The following TMEM132C variants were observed in gnomAD, a reference collection of about 807,000 sequenced individuals.
TMEM132C encodes the protein protein phosphatase 1, regulatory subunit 152.
TMEM132C carries 29 observed loss-of-function variants against 61.4 expected under a neutral mutation model. That is an observed-to-expected ratio of 0.47 (90% CI 0.35 to 0.64). The LOEUF (loss-of-function observed/expected upper bound fraction) is 0.64. TMEM132C is among the 30% of genes least tolerant of loss of function. The pLI, the probability that TMEM132C is intolerant of heterozygous loss-of-function variation, is 0.00. For synonymous variants in TMEM132C, 656 were observed against 633.1 expected, an observed-to-expected ratio of 1.04 and a Z score of -0.54; for missense variants, 1,408 against 1,476.9, an observed-to-expected ratio of 0.95 and a Z score of 0.76.
At chr12:128,398,367 A>C (rs1875035240) in intron 1 of TMEM132C, among the ~76,000 whole-genome samples, 1 of 152,208 alleles carries the variant, frequency 6.6e-6, no homozygotes, top group Admixed American at 6.5e-5. Flanking sequence ...CGCAGGGAAA[A>C]ATGGAGCTGG....
At chr12:128,396,748 A>G (rs955263580) in intron 1 of TMEM132C, among the ~76,000 whole-genome samples, 1 of 152,182 alleles carries the variant, frequency 6.6e-6, no homozygotes, top group African/African-American at 2.4e-5. Context: ...AGCACCCACC[A>G]TCACAGCTAG....
intron 5 of TMEM132C, among the ~76,000 whole-genome samples, chr12:128,687,351 G>A (rs1284391123): frequency 6.6e-6 from 1 of 152,122 alleles, no homozygotes; most frequent in Non-Finnish European, 1.5e-5. Flanking sequence ...ACTGTAAGAT[G>A]TTGAGTACCA....
intron 1 of TMEM132C, among the ~76,000 whole-genome samples, chr12:128,356,025 TATCTTGAGC>T (rs1350730193): frequency 6.6e-6 from 1 of 152,182 alleles, no homozygotes; most frequent in Non-Finnish European, 1.5e-5. Context: ...ATCTCTGCTT[TATCTTGAGC>T]ATCTGGAGCA....
chr12:128,624,267 C>T lies in TMEM132C; in HGVS notation c.1305+7932C>T, dbSNP rs560252625. On this transcript the variant is annotated intron_variant, in intron 4 of 8. Transcript: ENST00000435159. Reference sequence around the variant, plus strand: ...TCTCATCTGTAAAATAGGAATAGGCCGAGTGTGGTGGCTCAGGCCTGTAAT... The same window carrying T: ...TCTCATCTGTAAAATAGGAATAGGCTGAGTGTGGTGGCTCAGGCCTGTAAT... Among the ~76,000 whole-genome samples the T allele has an allele frequency of 3.5e-4, 54 of 152,148 alleles. 1 individual carries two copies. In the South Asian group the frequency reaches 9.6e-3, roughly 27 times the overall value.
chr12:128,303,970 A>G (rs981583573), intron 1 of TMEM132C, among the ~76,000 whole-genome samples: 2 of 152,124 alleles, frequency 1.3e-5, no homozygotes, highest in Non-Finnish European at 2.9e-5. Context: ...ATTCTTGACC[A>G]ACGAGACCCA....
intron 3 of TMEM132C, among the ~76,000 whole-genome samples, chr12:128,595,090 C>T (rs1405625385): frequency 6.6e-6 from 1 of 152,224 alleles, no homozygotes; most frequent in Non-Finnish European, 1.5e-5. Context: ...GAAGGAAACA[C>T]TGCTCTCCGG....
intron 1 of TMEM132C, among the ~76,000 whole-genome samples, chr12:128,345,352 T>G (rs1873121636): frequency 6.6e-6 from 1 of 152,222 alleles, no homozygotes; most frequent in Non-Finnish European, 1.5e-5. Flanking sequence ...TTGTGAATAG[T>G]GCTGCAGTGA....
intron 2 of TMEM132C, among the ~76,000 whole-genome samples, chr12:128,532,348 A>G (rs1282943255): frequency 5.3e-5 from 8 of 152,058 alleles, no homozygotes; most frequent in African/African-American, 1.9e-4. Context: ...CTAAAGAAAA[A>G]AAAAAGGAGG....
At chr12:128,346,676 A>G (rs1328116946) in intron 1 of TMEM132C, among the ~76,000 whole-genome samples, 1 of 152,138 alleles carries the variant, frequency 6.6e-6, no homozygotes, top group African/African-American at 2.4e-5. Context: ...GAATGGGAAT[A>G]GGTTCCTGAT....
chr12:128,480,940 G>A (rs1871299161), intron 2 of TMEM132C, among the ~76,000 whole-genome samples: 1 of 152,150 alleles, frequency 6.6e-6, no homozygotes, highest in Admixed American at 6.5e-5. Flanking sequence ...GGTGGGGACG[G>A]AGCCTATGTT....
chr12:128,324,276 A>G (rs984502002), intron 1 of TMEM132C, among the ~76,000 whole-genome samples: 8 of 152,216 alleles, frequency 5.3e-5, no homozygotes, highest in Admixed American at 2.0e-4. Context: ...TTCAGCTTAT[A>G]AAACCAACAT....
rs370341069 is a variant in TMEM132C, at chr12:128,414,933, A to G, written c.287A>G (p.Asn96Ser). 2.8e-5 allele frequency: 44 copies of G among 1,551,628 alleles called. No individual in the cohort carries two copies. In the East Asian group the frequency reaches 3.4e-4, roughly 12 times the overall value. ...TYKTRQPPVL[N>S]ASYGPFSVEK... is the part of the protein sequence containing the mutation. ...AAAACCAGGCAGCCCCCAGTGCTCA[A>G]TGCCAGCTATGGACCCTTTTCTGTG... The change falls in exon 2 of 9, where the codon AAT (asparagine) becomes AGT (serine). Residue 96 changes from asparagine (N) to serine (S), a missense_variant. Transcript: ENST00000435159.
intron 2 of TMEM132C, among the ~76,000 whole-genome samples, chr12:128,496,293 A>G (rs1323731464): frequency 2.6e-5 from 4 of 152,138 alleles, no homozygotes; most frequent in Non-Finnish European, 4.4e-5. Context: ...ACTTTGGTGA[A>G]TCTGACAATT....
chr12:128,460,559 C>T (rs1007004783), intron 2 of TMEM132C, among the ~76,000 whole-genome samples: 1 of 152,090 alleles, frequency 6.6e-6, no homozygotes, highest in African/African-American at 2.4e-5. Flanking sequence ...AGTCCCAGTG[C>T]CCCAGGCGGT....
At chr12:128,454,501 T>C (rs1870279985) in intron 2 of TMEM132C, among the ~76,000 whole-genome samples, 1 of 152,236 alleles carries the variant, frequency 6.6e-6, no homozygotes. Context: ...TATAGAAGGT[T>C]AAAATGACCA....
chr12:128,582,280 A>AT (rs1168955647), intron 3 of TMEM132C, among the ~76,000 whole-genome samples: 2 of 152,262 alleles, frequency 1.3e-5, no homozygotes, highest in African/African-American at 4.8e-5. Flanking sequence ...GGAAATGCAC[A>AT]TGAAAACAAC....
In TMEM132C at chr12:128,428,209, C is replaced by G. The variant is rs145478538; in HGVS notation, c.974+12589C>G. On this transcript the variant is annotated intron_variant, in intron 2 of 8. Transcript: ENST00000435159. ...TGTCAAGCTTATTTTGGTTGCTACT[C>G]TAACTGACTTAGACTTAAAAAGGAA... Among the ~76,000 whole-genome samples the G allele has an allele frequency of 2.8e-3, 415 of 150,158 alleles. 1 individual carries two copies. Among genetic ancestry groups the G allele is most frequent in the African/African-American group, 9.9e-3 (402 of 40,804 alleles).
intron 8 of TMEM132C, among the ~76,000 whole-genome samples, chr12:128,701,101 A>G (rs1359555666): frequency 1.3e-5 from 2 of 152,188 alleles, no homozygotes; most frequent in African/African-American, 4.8e-5. Flanking sequence ...TTGAGGGGCA[A>G]GGGATCTGGG....
chr12:128,309,154 G>A (rs1410215349), intron 1 of TMEM132C, among the ~76,000 whole-genome samples: 1 of 152,168 alleles, frequency 6.6e-6, no homozygotes, highest in Non-Finnish European at 1.5e-5. Flanking sequence ...TGGTGAGGCA[G>A]GGGTGGATGG....
Sources: gnomAD v4.1 joint callset for allele counts (sites outside exome capture counted in the v4.1 genomes callset) on GRCh38, gnomAD v4.1.1 for gene constraint, MANE v1.5 for transcripts, NCBI Gene and HGNC (gene_info 2026-07-23, HGNC 2026-07-21) for gene names.